The following NBAS variants were observed in gnomAD, a reference collection of about 807,000 sequenced individuals.
NBAS encodes the protein NAG/BC035112 fusion.
A neutral mutation model predicts 302.5 loss-of-function variants in NBAS; 219 were observed. The observed-to-expected ratio is 0.72, with a 90% confidence interval of 0.65 to 0.81. The LOEUF (loss-of-function observed/expected upper bound fraction) is 0.81. NBAS is among the 30% of genes least tolerant of loss of function. The pLI, the probability that NBAS is intolerant of heterozygous loss-of-function variation, is 0.00. For synonymous variants in NBAS, 1,118 were observed against 1,021.6 expected (o/e 1.09, Z -1.80); for missense variants, 2,932 against 2,841.6 (o/e 1.03, Z -0.72).
intron 30 of NBAS, among the ~76,000 whole-genome samples, chr2:15,376,496 C>T (rs1260101540): frequency 1.3e-5 from 2 of 152,070 alleles, no homozygotes; most frequent in African/African-American, 4.8e-5. Context: ...AAAATAGAAT[C>T]GCTTAGGAGA....
intron 40 of NBAS, among the ~76,000 whole-genome samples, chr2:15,294,387 T>A (rs1199436719): frequency 6.6e-6 from 1 of 152,212 alleles, no homozygotes; most frequent in Non-Finnish European, 1.5e-5. Flanking sequence ...CAAATCTAAC[T>A]GCAATTAGAG....
At chr2:15,067,159 CAAAAAAAAAAAA>C in the NBAS span, among the ~76,000 whole-genome samples, 11 of 93,320 alleles carry the variant, frequency 1.2e-4, no homozygotes, top group South Asian at 7.3e-4. Flanking sequence ...CTTATCTCCA[CAAAAAAAAAAAA>C]AAAAAAAAAA....
At chr2:15,018,488 C>T in the NBAS span, among the ~76,000 whole-genome samples, 14 of 152,014 alleles carry the variant, frequency 9.2e-5, no homozygotes, top group African/African-American at 3.4e-4. Context: ...GAAGCATATT[C>T]CTAAACTTTA....
chr2:15,376,558 T>C (rs941777456), intron 30 of NBAS, among the ~76,000 whole-genome samples: 6 of 152,184 alleles, frequency 3.9e-5, no homozygotes, highest in Non-Finnish European at 7.4e-5. Flanking sequence ...ATAACATGGT[T>C]TGTGAAACAT....
the NBAS span, among the ~76,000 whole-genome samples, chr2:15,018,993 T>C: frequency 6.6e-6 from 1 of 152,192 alleles, no homozygotes; most frequent in African/African-American, 2.4e-5. Flanking sequence ...ACTGTGATTA[T>C]GCACATAAGA....
the NBAS span, among the ~76,000 whole-genome samples, chr2:14,790,744 T>C: frequency 6.7e-6 from 1 of 150,160 alleles, no homozygotes; most frequent in Admixed American, 6.7e-5. Context: ...CTCTGCCTCC[T>C]GGGTTCAAGC....
At chr2:15,328,355 G>A (rs1672174344) in intron 36 of NBAS, 43 bp from the exon 37 acceptor site, 4 of 1,495,902 alleles carry the variant, frequency 2.7e-6, no homozygotes, top group Non-Finnish European at 3.7e-6. Context: ...AAAAGAAAGA[G>A]AAGGCAAGGA....
At chr2:15,388,116 T>C (rs766101357) in intron 28 of NBAS, among the ~76,000 whole-genome samples, 9 of 152,242 alleles carry the variant, frequency 5.9e-5, no homozygotes, top group Non-Finnish European at 1.0e-4. Flanking sequence ...ATTGACACCT[T>C]TCCACTATTG....
intron 36 of NBAS, 143 bp from the exon 37 acceptor site, chr2:15,328,455 C>T: frequency 1.4e-6 from 1 of 714,322 alleles, no homozygotes; most frequent in Non-Finnish European, 2.4e-6. Context: ...GCTGCATTTC[C>T]CACGACCTAA....
At chr2:15,549,471 G>A (rs1664271632) in intron 6 of NBAS, among the ~76,000 whole-genome samples, 1 of 152,108 alleles carries the variant, frequency 6.6e-6, no homozygotes, top group South Asian at 2.1e-4. Flanking sequence ...GCTCATGCCT[G>A]TAATGTCAGC....
intron 38 of NBAS, among the ~76,000 whole-genome samples, chr2:15,310,450 A>G (rs1286197319): frequency 2.6e-5 from 4 of 152,222 alleles, no homozygotes; most frequent in Non-Finnish European, 4.4e-5. Flanking sequence ...ATCAAAAGCT[A>G]TTTATTTCAA....
At chr2:15,039,532 G>C in the NBAS span, among the ~76,000 whole-genome samples, 1 of 152,202 alleles carries the variant, frequency 6.6e-6, no homozygotes. Context: ...GCCAAGAAGG[G>C]AGTGTGCACC....
Position 15,379,633 on chromosome 2 carries a change from T to G in NBAS, c.3559A>C (p.Asn1187His), listed in dbSNP as rs1674931914. 1 of 1,613,880 alleles carries G rather than the reference T, an allele frequency of 6.2e-7. No individual in the cohort carries two copies. The highest frequency in any genetic ancestry group is 8.5e-7 in the Non-Finnish European group (1 of 1,179,950). ...AGATCCATGCAGCTATCAGTGAGGT[T>G]GGTAGAAGAATTGAAGTACTCTCTG... ...ASREYFNSST[N>H]LTDSCMDLAR... The change falls in exon 30 of 52, where the codon AAC becomes CAC. Residue 1187 changes from asparagine (N) to histidine (H), a missense_variant. Transcript: ENST00000281513.
the NBAS span, among the ~76,000 whole-genome samples, chr2:14,899,173 C>G: frequency 6.6e-6 from 1 of 152,152 alleles, no homozygotes; most frequent in African/African-American, 2.4e-5. Context: ...TGCCTGGACT[C>G]AAAGCCCAAG....
chr2:15,094,367 C>T, the NBAS span, among the ~76,000 whole-genome samples: 1 of 152,212 alleles, frequency 6.6e-6, no homozygotes, highest in East Asian at 1.9e-4. Flanking sequence ...TACATTGCTC[C>T]TGGTAATAAT....
chr2:15,245,648 C>CGGAT (rs1558470605), intron 44 of NBAS, among the ~76,000 whole-genome samples: 5 of 59,354 alleles, frequency 8.4e-5, no homozygotes, highest in Admixed American at 3.6e-4. Flanking sequence ...GATGGATGGA[C>CGGAT]GGACGGACGG....
rs76873514 is a variant in NBAS at position 15,167,288 on chromosome 2, G to C, written c.6876C>G (p.Ser2292=). The C allele has an allele frequency of 4.4e-4, 704 of 1,614,204 alleles. No homozygotes were observed. The African/African-American group carries it at 8.5e-3, about 19-fold the overall frequency. ...CCAGCAGCTTGGCATCCAGGAGCAG[G>C]GAAAGAAGTTCTTGGTCACAATTGG... ...NDSNCDQELL[S]LLLDAKLLVK... is the part of the protein sequence containing the mutation. The change falls in exon 52 of 52, where the codon TCC becomes TCG. Residue 2292 remains serine (S), a synonymous_variant. Coordinates refer to ENST00000281513, the MANE Select transcript of NBAS (RefSeq NM_015909.4).
At chr2:14,977,340 G>C in the NBAS span, among the ~76,000 whole-genome samples, 1 of 152,110 alleles carries the variant, frequency 6.6e-6, no homozygotes, top group Non-Finnish European at 1.5e-5. Flanking sequence ...CACAAAAAAA[G>C]TAATAATAGA....
chr2:15,390,840 C>T (rs761673207), intron 28 of NBAS, among the ~76,000 whole-genome samples: 2 of 152,002 alleles, frequency 1.3e-5, no homozygotes, highest in Non-Finnish European at 2.9e-5. Context: ...TGCGGCCAGG[C>T]GTGGTGGCTC....
Sources: gnomAD v4.1 joint callset for allele counts (sites outside exome capture counted in the v4.1 genomes callset) on GRCh38, gnomAD v4.1.1 for gene constraint, MANE v1.5 for transcripts, NCBI Gene and HGNC (gene_info 2026-07-23, HGNC 2026-07-21) for gene names.